SCAPER: variants seen among roughly 807,000 people sequenced by gnomAD.
SCAPER encodes the protein S-phase cyclin A associated protein in the ER, also known as S phase cyclin A-associated protein in the endoplasmic reticulum.
A neutral mutation model predicts 182.2 loss-of-function variants in SCAPER; 98 were observed. The ratio of observed to expected loss-of-function variants is 0.54; its 90% CI spans 0.46 to 0.64. SCAPER has a LOEUF of 0.64. Among genes scored for constraint, SCAPER ranks in the 30% least tolerant of loss-of-function variants. The pLI is 0.00. For synonymous variants in SCAPER, 605 were observed against 564.6 expected, an observed-to-expected ratio of 1.07 and a Z score of -1.01; for missense variants, 1,432 against 1,690.0, an observed-to-expected ratio of 0.85 and a Z score of 2.68.
chr15:76,749,084 G>A (rs980379858), intron 15 of SCAPER, among the ~76,000 whole-genome samples: 11 of 151,716 alleles, frequency 7.3e-5, no homozygotes, highest in Admixed American at 2.0e-4. Flanking sequence ...GAACACCCTC[G>A]GTCATGAACA....
intron 21 of SCAPER, among the ~76,000 whole-genome samples, chr15:76,649,804 C>T (rs2054871474): frequency 6.6e-6 from 1 of 151,664 alleles, no homozygotes; most frequent in Non-Finnish European, 1.5e-5. Flanking sequence ...GTTAAATAGA[C>T]GTTTTCAGGC....
At chr15:76,480,937 T>A (rs1234899320) in intron 24 of SCAPER, among the ~76,000 whole-genome samples, 1 of 152,170 alleles carries the variant, frequency 6.6e-6, no homozygotes, top group Non-Finnish European at 1.5e-5. Flanking sequence ...TTCACCGTGT[T>A]AGCCAGGATG....
rs112614522 is a variant in SCAPER, at chr15:76,588,680, T to C, written c.2712-14396A>G. Among the ~76,000 whole-genome samples, 298 of 152,328 alleles carry C rather than the reference T, an allele frequency of 2.0e-3. 3 individuals carry two copies. Among genetic ancestry groups the C allele is most frequent in the African/African-American group, 6.5e-3 (270 of 41,572 alleles). On this transcript the variant is annotated intron_variant, in intron 22 of 31. Coordinates refer to ENST00000563290, the MANE Select transcript of SCAPER (RefSeq NM_020843.4). ...ACTTGTTTGTCTTTAAATTGTATTT[T>C]TGTTTTATAGGTCCTGTGAGATTTA...
chr15:76,555,335 T>C (rs1026929760), intron 23 of SCAPER, among the ~76,000 whole-genome samples: 2 of 152,128 alleles, frequency 1.3e-5, no homozygotes, highest in African/African-American at 4.8e-5. Flanking sequence ...TGAGTATGCA[T>C]AATAACTAGC....
chr15:76,789,955 G>A (rs550286904), intron 8 of SCAPER, among the ~76,000 whole-genome samples: 24 of 152,246 alleles, frequency 1.6e-4, no homozygotes, highest in East Asian at 3.9e-4. Flanking sequence ...GGGGCCGGGC[G>A]CGGTGGCTCA....
intron 23 of SCAPER, among the ~76,000 whole-genome samples, chr15:76,530,821 G>C (rs1028965667): frequency 6.6e-6 from 1 of 151,990 alleles, no homozygotes; most frequent in Non-Finnish European, 1.5e-5. Context: ...CAGAGGGAGG[G>C]AAGTACGTAG....
At position 76,456,450 on chromosome 15, in the gene SCAPER, A is replaced by G. The variant is rs556585064; in HGVS notation, c.3078+14762T>C. The stretch of plus-strand genomic sequence containing the variant: ...TCTAACTTCATCCCACTGTCTTCAG[A>G]GGACATATTTTCAATGATTTCAAGC... On this transcript the variant is annotated intron_variant, in intron 25 of 31. Coordinates refer to ENST00000563290, the MANE Select transcript of SCAPER (RefSeq NM_020843.4). 6.6e-5 allele frequency among the ~76,000 whole-genome samples: 10 copies of G among 152,350 alleles called. No homozygotes were observed. In the South Asian group the frequency reaches 1.0e-3, roughly 16 times the overall value.
chr15:76,855,750 A>T (rs1201995804), intron 4 of SCAPER: 1 of 290,978 alleles, frequency 3.4e-6, no homozygotes, highest in Non-Finnish European at 7.4e-6. Flanking sequence ...AATGGCTATT[A>T]CTAAAAAGTC....
At position 76,743,187 on chromosome 15, in the gene SCAPER, C is replaced by T. The variant is rs118081884; in HGVS notation, c.1867-9803G>A. ...CTAACTCAAGAGACTTCGGTCGTCA[C>T]TATGATAATAAAAATACTTTTGAAT... On this transcript the variant is annotated intron_variant, in intron 15 of 31. Transcript: ENST00000563290. Among the ~76,000 whole-genome samples the T allele has an allele frequency of 6.4e-4, 97 of 152,094 alleles. 1 individual carries two copies. In the East Asian group the frequency reaches 0.017, roughly 26 times the overall value.
intron 22 of SCAPER, among the ~76,000 whole-genome samples, chr15:76,579,424 AG>A (rs2048104867): frequency 6.6e-6 from 1 of 151,998 alleles, no homozygotes; most frequent in South Asian, 2.1e-4. Flanking sequence ...TTTGTTATTT[AG>A]TTTTTTTATG....
intron 5 of SCAPER, among the ~76,000 whole-genome samples, chr15:76,831,424 C>T (rs1468363161): frequency 6.6e-6 from 1 of 151,814 alleles, no homozygotes; most frequent in Non-Finnish European, 1.5e-5. Flanking sequence ...TAGACAGGAC[C>T]CTGCCGGCAC....
chr15:76,715,735 T>C (rs2059858358), intron 17 of SCAPER, among the ~76,000 whole-genome samples: 1 of 152,144 alleles, frequency 6.6e-6, no homozygotes, highest in South Asian at 2.1e-4. Context: ...CACCAGGGAC[T>C]GAGTCTCCAG....
intron 23 of SCAPER, among the ~76,000 whole-genome samples, chr15:76,513,496 C>T (rs2042201616): frequency 6.6e-6 from 1 of 152,172 alleles, no homozygotes; most frequent in South Asian, 2.1e-4. Context: ...CCTTCGCAAG[C>T]ATGTGGCGTT....
At chr15:76,502,184 A>G (rs1008812808) in intron 24 of SCAPER, among the ~76,000 whole-genome samples, 4 of 152,204 alleles carry the variant, frequency 2.6e-5, no homozygotes, top group African/African-American at 9.7e-5. Flanking sequence ...CACAATAAAC[A>G]TACATGTGTA....
intron 25 of SCAPER, among the ~76,000 whole-genome samples, chr15:76,454,702 G>A (rs988801129): frequency 1.3e-5 from 2 of 151,950 alleles, no homozygotes; most frequent in African/African-American, 4.8e-5. Context: ...TCCTTGTCTG[G>A]TTTTGTTACC....
At chr15:76,869,288 G>A (rs1458212315) in intron 2 of SCAPER, among the ~76,000 whole-genome samples, 1 of 151,914 alleles carries the variant, frequency 6.6e-6, no homozygotes, top group Non-Finnish European at 1.5e-5. Flanking sequence ...TAACTAAAAG[G>A]CTTCTGCATA....
At chr15:76,774,712 T>C (rs1220647649) in intron 9 of SCAPER, 143 bp downstream of exon 9, 19 of 778,882 alleles carry the variant, frequency 2.4e-5, no homozygotes, top group Non-Finnish European at 3.6e-5. Context: ...CGTTGTTCTA[T>C]TCTTGCCACT....
rs537445992 is a variant in SCAPER at position 76,426,548 on chromosome 15, T to C, written c.3311+7530A>G. ...CATCTTGGAACTGCCCGAGAATTTT[T>C]TTTTATAAAAAGAAAGAGGGCACCA... On this transcript the variant is annotated intron_variant, in intron 26 of 31. Transcript: ENST00000563290. Among the ~76,000 whole-genome samples the C allele has an allele frequency of 7.9e-5, 12 of 152,312 alleles. No homozygotes were observed. In the South Asian group the frequency reaches 2.5e-3, roughly 32 times the overall value.
intron 22 of SCAPER, among the ~76,000 whole-genome samples, chr15:76,614,216 G>A (rs911200192): frequency 6.6e-6 from 1 of 152,122 alleles, no homozygotes; most frequent in African/African-American, 2.4e-5. Context: ...TAGACACATA[G>A]AGGGGAACAA....
Sources: gnomAD v4.1 joint callset for allele counts (sites outside exome capture counted in the v4.1 genomes callset) on GRCh38, gnomAD v4.1.1 for gene constraint, MANE v1.5 for transcripts, NCBI Gene and HGNC (gene_info 2026-07-23, HGNC 2026-07-21) for gene names.